The following SMARCAL1 variants were observed in gnomAD, a reference collection of about 807,000 sequenced individuals.
SMARCAL1 encodes the protein ATP-driven annealing helicase.
A neutral mutation model predicts 94.5 loss-of-function variants in SMARCAL1; 58 were observed. The ratio of observed to expected loss-of-function variants is 0.61; its 90% CI spans 0.50 to 0.76. SMARCAL1 has a LOEUF of 0.76. SMARCAL1 is among the 30% of genes least tolerant of loss of function. The probability of loss-of-function intolerance (pLI) is 0.00; values close to 1 mark genes in which losing one functional copy is unlikely to be tolerated. For missense variants in SMARCAL1, 1,051 were observed against 1,177.9 expected (o/e 0.89, Z 1.58); for synonymous variants, 422 against 455.1 (o/e 0.93, Z 0.93).
intron 5 of SMARCAL1, among the ~76,000 whole-genome samples, chr2:216,421,070 G>A: frequency 6.6e-6 from 1 of 152,168 alleles, no homozygotes; most frequent in East Asian, 1.9e-4. Flanking sequence ...TGGTGCCACA[G>A]TTTGAAAATG....
At position 216,415,228 on chromosome 2, in the gene SMARCAL1, A is replaced by T; in HGVS notation, c.524A>T (p.Glu175Val). ...CTGGCCAAACCAAAGAGTTCCCAAGAGACACCAGCTCATTCCTCTGGACAG... is the reference window on the plus strand; with the variant it reads ...CTGGCCAAACCAAAGAGTTCCCAAGTGACACCAGCTCATTCCTCTGGACAG... ...KPLAKPKSSQ[E>V]TPAHSSGQPP... Residue 175 changes from glutamate (E) to valine (V), a missense_variant, in exon 3 of 18, where the codon GAG becomes GTG. By Grantham distance (121) the Glu-to-Val change is moderately radical. Around this residue, in one of 3 missense-constraint regions of SMARCAL1, gnomAD observed 398 missense variants for 395.2 expected, o/e 1.01. Coordinates refer to ENST00000357276, the MANE Select transcript of SMARCAL1 (RefSeq NM_014140.4). 6.2e-7 allele frequency: 1 copy of T among 1,614,202 alleles called. No homozygotes were observed. The highest frequency in any genetic ancestry group is 8.5e-7 in the Non-Finnish European group (1 of 1,180,028).
At position 216,432,742 on chromosome 2, in the gene SMARCAL1, C is replaced by A. The variant is rs767585674; in HGVS notation, c.1359C>A (p.Arg453=). 1.2e-6 allele frequency: 2 copies of A among 1,614,160 alleles called. No individual in the cohort carries two copies. The highest frequency in any genetic ancestry group is 2.2e-5 in the South Asian group (2 of 91,090). ...GVNFAIAKGG[R]LLLADDMGLG... is the part of the protein sequence containing the mutation. ...GTTTTGCCATAGCCAAAGGAGGCCG[C>A]CTGCTGCTCGCTGACGACATGGGCC... Residue 453 remains arginine (R), a synonymous_variant, in exon 8 of 18, where the codon CGC becomes CGA. Transcript: ENST00000357276.
chr2:216,421,320 T>C (rs897849617), intron 5 of SMARCAL1, among the ~76,000 whole-genome samples: 9 of 152,270 alleles, frequency 5.9e-5, no homozygotes, highest in African/African-American at 2.2e-4. Flanking sequence ...ATTTTTGAGA[T>C]GAAGTTTCAC....
At chr2:216,467,882 A>G in intron 13 of SMARCAL1, 62 bp from the exon 14 acceptor site, 1 of 1,006,550 alleles carries the variant, frequency 9.9e-7, no homozygotes, top group East Asian at 2.4e-5. Flanking sequence ...GTAACATACC[A>G]GAGACACATA....
At position 216,469,168 on chromosome 2, in the gene SMARCAL1, A is replaced by G. The variant is rs1046747595; in HGVS notation, c.2244+1122A>G. Among the ~76,000 whole-genome samples, 3 of 152,264 alleles carry G rather than the reference A, an allele frequency of 2.0e-5. 1 individual carries two copies. Among genetic ancestry groups the G allele is most frequent in the Middle Eastern group, 6.8e-3 (2 of 294 alleles). On this transcript the variant is annotated intron_variant, in intron 14 of 17. Coordinates refer to ENST00000357276, the MANE Select transcript of SMARCAL1 (RefSeq NM_014140.4). ...TACTATATTCTAGGAGTACGTATCC[A>G]TAAGCAATTTATCGTCTCCTTTTTG...
At chr2:216,459,284 C>T (rs1388681135) in intron 12 of SMARCAL1, among the ~76,000 whole-genome samples, 32 of 152,074 alleles carry the variant, frequency 2.1e-4, no homozygotes, top group South Asian at 8.3e-4. Context: ...GATTCAATGC[C>T]GTCCCCATCA....
chr2:216,480,278 G>A (rs186212886), intron 17 of SMARCAL1, among the ~76,000 whole-genome samples: 1 of 152,140 alleles, frequency 6.6e-6, no homozygotes, highest in East Asian at 1.9e-4. Flanking sequence ...AGAAAATGTT[G>A]CTTCCAATAT....
chr2:216,429,801 C>G (rs367875325), intron 7 of SMARCAL1, among the ~76,000 whole-genome samples: 9 of 152,062 alleles, frequency 5.9e-5, no homozygotes, highest in African/African-American at 1.9e-4. Context: ...CTGGCCCCAG[C>G]CCTTCCCCCT....
rs942620676 is a variant in SMARCAL1, at chr2:216,475,857, C to A, written c.2427+406C>A. 6.6e-6 allele frequency among the ~76,000 whole-genome samples: 1 copy of A among 152,056 alleles called. No homozygotes were observed. The highest frequency in any genetic ancestry group is 1.5e-5 in the Non-Finnish European group (1 of 68,020). ...TTATCAACGGGAAGGTTGAAGTCTT[C>A]CAGGGCTAGAAGGAATCTTGACTTC... On this transcript the variant is annotated intron_variant, in intron 15 of 17. Transcript: ENST00000357276. This position sits in a 1 kb window ranked among gnomAD's most constrained non-coding sequence, Gnocchi z 4.4.
rs759562755 is a variant in SMARCAL1, at chr2:216,423,691, G to A, written c.1147+8G>A. The stretch of plus-strand genomic sequence containing the variant: ...AAGAGCACAGTAAACTAAGTGAGAA[G>A]CCTTCCTTACTTGTTTTATATCATG... On this transcript the variant is annotated splice_region_variant and intron_variant, in intron 6 of 17. Transcript: ENST00000357276. 4.2e-5 allele frequency: 67 copies of A among 1,607,998 alleles called. 1 individual carries two copies. The Middle Eastern group carries it at 6.6e-4, about 16-fold the overall frequency.
Position 216,477,201 on chromosome 2 carries a change from C to T in SMARCAL1, c.2520C>T (p.Asp840=), listed in dbSNP as rs1325007410. 2.5e-6 allele frequency: 4 copies of T among 1,592,130 alleles called. No homozygotes were observed. The highest frequency in any genetic ancestry group is 2.6e-6 in the Non-Finnish European group (3 of 1,168,788). The change falls in exon 16 of 18, where the codon GAC becomes GAT. Residue 840 remains aspartate, a synonymous_variant. Transcript: ENST00000357276. ...TCGTGGCAAAGGGCACAGCTGATGA[C>T]TACCTTTGGTATGGCTTGGTTGGGT... ...HYLVAKGTAD[D]YLWPLIQEKI...
chr2:216,472,195 GA>G (rs1050389700), intron 14 of SMARCAL1, among the ~76,000 whole-genome samples: 5 of 151,872 alleles, frequency 3.3e-5, no homozygotes, highest in African/African-American at 4.8e-5. Context: ...TCTCTACTAA[GA>G]ATACAAAAAT....
chr2:216,425,422 G>T (rs952660400), intron 6 of SMARCAL1, among the ~76,000 whole-genome samples: 4 of 152,218 alleles, frequency 2.6e-5, no homozygotes, highest in Non-Finnish European at 5.9e-5. Flanking sequence ...CAACCATGGA[G>T]CCCTAAGGGG....
Position 216,482,686 on chromosome 2 carries a change from T to C in SMARCAL1, c.2626-52T>C. The C allele has an allele frequency of 6.2e-7, 1 of 1,613,668 alleles. No individual in the cohort carries two copies. Among genetic ancestry groups the C allele is most frequent in the South Asian group, 1.1e-5 (1 of 90,962 alleles). ...ATCAGCCCTAGTGGAGGAGAGTCAG[T>C]GTTGGAGCCTGGGCTCTTCCTTTTA... is the stretch of plus-strand genomic sequence containing the variant. On this transcript the variant is annotated intron_variant, in intron 17 of 17. Coordinates refer to ENST00000357276, the MANE Select transcript of SMARCAL1 (RefSeq NM_014140.4). This position sits in a 1 kb window ranked among gnomAD's most constrained non-coding sequence, Gnocchi z 4.3.
intron 6 of SMARCAL1, chr2:216,426,961 TAGTA>T (rs2106027339): frequency 6.6e-6 from 1 of 152,356 alleles, no homozygotes; most frequent in East Asian, 1.9e-4. Context: ...TTATTTTCTT[TAGTA>T]AGGAGAATCT....
rs962649377 is a variant in SMARCAL1 at position 216,454,986 on chromosome 2, C to T, written c.2070+3922C>T. 3.3e-5 allele frequency among the ~76,000 whole-genome samples: 5 copies of T among 152,340 alleles called. No individual in the cohort carries two copies. In the East Asian group the frequency reaches 5.8e-4, roughly 18 times the overall value. On this transcript the variant is annotated intron_variant, in intron 12 of 17. Transcript: ENST00000357276. ...CTGTGACAGATGGCACCTGGAAAATCGGGTCACTCCCACCCTAATACTGCG... is the reference window on the plus strand; with the variant it reads ...CTGTGACAGATGGCACCTGGAAAATTGGGTCACTCCCACCCTAATACTGCG...
intron 7 of SMARCAL1, among the ~76,000 whole-genome samples, chr2:216,430,967 G>A (rs186509620): frequency 9.9e-4 from 151 of 152,368 alleles, no homozygotes; most frequent in African/African-American, 3.5e-3. Context: ...GGAGGAGGCT[G>A]CGCCTGTTCT....
intron 12 of SMARCAL1, among the ~76,000 whole-genome samples, chr2:216,462,183 G>A (rs1694721104): frequency 6.6e-6 from 1 of 152,226 alleles, no homozygotes; most frequent in African/African-American, 2.4e-5. Flanking sequence ...GGTGCTAAAT[G>A]TTAGAGCAAG....
intron 13 of SMARCAL1, among the ~76,000 whole-genome samples, chr2:216,464,946 G>C (rs1192322635): frequency 1.3e-5 from 2 of 152,146 alleles, no homozygotes; most frequent in Admixed American, 1.3e-4. Flanking sequence ...AGGAGTTTGA[G>C]ACCAGCCTGG....
Sources: allele counts gnomAD v4.1 joint callset (sites outside exome capture counted in the v4.1 genomes callset), GRCh38; gene constraint gnomAD v4.1.1; regional missense constraint gnomAD v4.1.1; non-coding constraint Gnocchi (gnomAD v3.1); transcripts MANE v1.5; gene names NCBI Gene and HGNC (gene_info 2026-07-23, HGNC 2026-07-21).